Variants in FCN2 observed in about 807,000 individuals in gnomAD.
The protein encoded by FCN2 is ficolin 2, also known as ficolin-2.
A neutral mutation model predicts 32.5 loss-of-function variants in FCN2; 31 were observed. That is an observed-to-expected ratio of 0.96 (90% CI 0.72 to 1.29). FCN2 has a LOEUF of 1.29. Ranked by LOEUF, FCN2 falls within the 50% of genes most tolerant of loss-of-function variation. The probability of loss-of-function intolerance (pLI) is 0.00; values close to 1 mark genes in which losing one functional copy is unlikely to be tolerated. For missense variants in FCN2, 412 were observed against 406.5 expected (o/e 1.01, Z -0.12); for synonymous variants, 181 against 164.5 (o/e 1.10, Z -0.77).
chr9:134,873,711 C>A, the FCN2 span, among the ~76,000 whole-genome samples: 1 of 152,216 alleles, frequency 6.6e-6, no homozygotes, highest in African/African-American at 2.4e-5. Context: ...ATTCTCCTGA[C>A]ATTGATCTGC....
At chr9:134,881,653 G>T (rs978416501) in intron 1 of FCN2, among the ~76,000 whole-genome samples, 11 of 152,178 alleles carry the variant, frequency 7.2e-5, no homozygotes, top group African/African-American at 2.4e-4. Flanking sequence ...TGGAATGCAT[G>T]TGAGACACAG....
Position 134,887,204 on chromosome 9 carries a change from C to A in FCN2, c.731C>A (p.Ser244Tyr). 1 of 1,614,162 alleles carries A rather than the reference C, an allele frequency of 6.2e-7. No individual in the cohort carries two copies. Among genetic ancestry groups the A allele is most frequent in the South Asian group, 1.1e-5 (1 of 91,082 alleles). ...ACGTTCCACAACAACCAGTCCTTCTCCACCAAAGACCAGGACAATGATCTT... is the reference window on the plus strand; with the variant it reads ...ACGTTCCACAACAACCAGTCCTTCTACACCAAAGACCAGGACAATGATCTT... ...SLTFHNNQSFSTKDQDNDLNT... is the reference protein window; with the variant it reads ...SLTFHNNQSFYTKDQDNDLNT... The change falls in exon 8 of 8, where the codon TCC becomes TAC. Residue 244 changes from serine to tyrosine, a missense_variant. By Grantham distance (144) the Ser-to-Tyr change is moderately radical (BLOSUM62 -2). Coordinates refer to ENST00000291744, the MANE Select transcript of FCN2 (RefSeq NM_004108.3).
At chr9:134,879,826 T>G (rs1830638665), upstream of FCN2, among the ~76,000 whole-genome samples, 1 of 152,104 alleles carries the variant, frequency 6.6e-6, no homozygotes, top group Admixed American at 6.5e-5. Context: ...CACCTCGGCA[T>G]CCCGATGGCA....
chr9:134,873,175 G>A, the FCN2 span, among the ~76,000 whole-genome samples: 2 of 151,540 alleles, frequency 1.3e-5, no homozygotes, highest in Admixed American at 1.3e-4. Flanking sequence ...TGTGTTCCGA[G>A]TACCACCCCT....
At chr9:134,884,181 T>C (rs540070832) in intron 3 of FCN2, among the ~76,000 whole-genome samples, 131 of 152,282 alleles carry the variant, frequency 8.6e-4, no homozygotes, top group African/African-American at 3.1e-3. Context: ...AATTTTCTGA[T>C]ATATTTTCTT....
At chr9:134,864,390 C>A in the FCN2 span, among the ~76,000 whole-genome samples, 1 of 152,316 alleles carries the variant, frequency 6.6e-6, no homozygotes, top group East Asian at 1.9e-4. Context: ...AAGTGGGAAG[C>A]CTGTGGGGCC....
chr9:134,878,185 GTTAATAC>G (rs1349451232), upstream of FCN2, among the ~76,000 whole-genome samples: 1 of 152,136 alleles, frequency 6.6e-6, no homozygotes, highest in East Asian at 1.9e-4. Flanking sequence ...GATCCTGTAA[GTTAATAC>G]TTAATAAACT....
chr9:134,879,813 A>C (rs1830638347), upstream of FCN2, among the ~76,000 whole-genome samples: 1 of 152,130 alleles, frequency 6.6e-6, no homozygotes, highest in South Asian at 2.1e-4. Flanking sequence ...CCAAGGAAGA[A>C]GGCACCTCGG....
the FCN2 span, among the ~76,000 whole-genome samples, chr9:134,874,669 A>T: frequency 6.6e-5 from 10 of 152,150 alleles, no homozygotes; most frequent in Admixed American, 2.0e-4. Flanking sequence ...TGTTTTTTTT[A>T]AAAGATGTTT....
At chr9:134,881,065 T>C in intron 1 of FCN2, 144 bp downstream of exon 1, 1 of 699,160 alleles carries the variant, frequency 1.4e-6, no homozygotes, top group South Asian at 1.6e-5. Context: ...GCATGCCTCA[T>C]CTTATGTGAA....
the FCN2 span, among the ~76,000 whole-genome samples, chr9:134,864,255 C>A: frequency 3.3e-5 from 5 of 152,190 alleles, no homozygotes; most frequent in African/African-American, 1.2e-4. Flanking sequence ...TGTCCTGCTG[C>A]GGGCCTCAGG....
At chr9:134,886,684 G>A (rs549874238) in intron 7 of FCN2, 120 bp downstream of exon 7, 32 of 1,158,048 alleles carry the variant, frequency 2.8e-5, no homozygotes, top group Admixed American at 3.9e-5. Flanking sequence ...GAGCCAATTC[G>A]TCCATCTCTA....
At chr9:134,876,680 G>A (rs1026810524), upstream of FCN2, among the ~76,000 whole-genome samples, 28 of 152,222 alleles carry the variant, frequency 1.8e-4, no homozygotes, top group African/African-American at 6.3e-4. Flanking sequence ...CTGGGTTCAA[G>A]CAATTCTCCT....
At position 134,880,895 on chromosome 9, in the gene FCN2, C is replaced by A. The variant is rs775299584; in HGVS notation, c.74C>A (p.Ala25Asp). 2 of 1,613,172 alleles carry A rather than the reference C, an allele frequency of 1.2e-6. No homozygotes were observed. The highest frequency in any genetic ancestry group is 1.7e-6 in the Non-Finnish European group (2 of 1,179,660). Residue 25 changes from alanine to aspartate, a missense_variant, in exon 1 of 8, where the codon GCT (alanine) becomes GAT (aspartate). Transcript: ENST00000291744. ...LLLSFLGMAW[A>D]LQAADTCPEV... is the part of the protein sequence containing the mutation. ...CTCTCTTTCCTGGGCATGGCCTGGG[C>A]TCTCCAGGCGGCAGACACCTGTCCA...
At position 134,885,767 on chromosome 9, in the gene FCN2, G is replaced by A. The variant is rs1026725030; in HGVS notation, c.430-1G>A. 5.0e-6 allele frequency: 8 copies of A among 1,614,072 alleles called. No homozygotes were observed. The highest frequency in any genetic ancestry group is 2.2e-5 in the East Asian group (1 of 44,840). ...GCTCCTGTCCCCTGGCTTCTCCACA[G>A]GTTTTCCAGCGGAGGGTGGATGGCT... is the stretch of plus-strand genomic sequence containing the variant. On this transcript the variant is annotated splice_acceptor_variant, in intron 5 of 7. Coordinates refer to ENST00000291744, the MANE Select transcript of FCN2 (RefSeq NM_004108.3). LOFTEE classifies it high-confidence loss of function.
chr9:134,883,196 G>A (rs1588643404), intron 2 of FCN2, 106 bp from the exon 3 acceptor site: 2 of 973,680 alleles, frequency 2.1e-6, no homozygotes, highest in East Asian at 4.8e-5. Context: ...CGTAGCACGA[G>A]CAGGGTCATG....
chr9:134,886,083 C>T (rs1044665452), intron 6 of FCN2, among the ~76,000 whole-genome samples, 186 bp downstream of exon 6: 5 of 152,260 alleles, frequency 3.3e-5, no homozygotes, highest in African/African-American at 7.2e-5. Flanking sequence ...AGCATCGGGA[C>T]GGGAGAGGGT....
At chr9:134,865,395 C>T in the FCN2 span, among the ~76,000 whole-genome samples, 1 of 152,178 alleles carries the variant, frequency 6.6e-6, no homozygotes, top group Non-Finnish European at 1.5e-5. Context: ...TCGTGGTGGA[C>T]CAGGGGCCAG....
the FCN2 span, chr9:134,868,481 C>T: frequency 5.4e-4 from 91 of 167,302 alleles, no homozygotes; most frequent in African/African-American, 2.0e-3. This position sits in a 1 kb window ranked among gnomAD's most constrained non-coding sequence, Gnocchi z 4.3. Flanking sequence ...CCTAGCCCGG[C>T]GCTGAGGTCA....
Sources: gnomAD v4.1 joint callset for allele counts (sites outside exome capture counted in the v4.1 genomes callset) on GRCh38, gnomAD v4.1.1 for gene constraint, Gnocchi (gnomAD v3.1) non-coding constraint, MANE v1.5 for transcripts, NCBI Gene and HGNC (gene_info 2026-07-23, HGNC 2026-07-21) for gene names.